The following IFI30 variants were observed in gnomAD, a reference collection of about 807,000 sequenced individuals.
IFI30 encodes the protein gamma-interferon-inducible lysosomal thiol reductase.
A neutral mutation model predicts 30.1 loss-of-function variants in IFI30; 26 were observed. That is an observed-to-expected ratio of 0.87 (90% CI 0.63 to 1.20). The LOEUF (loss-of-function observed/expected upper bound fraction) is 1.20, where lower values mean the gene tolerates loss of function less well. Among genes scored for constraint, IFI30 ranks in the 50% most tolerant of loss-of-function variants. The probability of loss-of-function intolerance (pLI) is 0.00; values close to 1 mark genes in which losing one functional copy is unlikely to be tolerated. For synonymous variants in IFI30, 149 were observed against 134.5 expected (o/e 1.11, Z -0.75); for missense variants, 296 against 312.5 (o/e 0.95, Z 0.40).
At chr19:18,175,831 T>C (rs1967263714) in intron 4 of IFI30, 134 bp downstream of exon 4, 1 of 589,914 alleles carries the variant, frequency 1.7e-6, no homozygotes, top group African/African-American at 1.9e-5. Context: ...ACTACCCTTC[T>C]TTATTTTATT....
chr19:18,175,422 A>T, intron 3 of IFI30, 37 bp downstream of exon 3: 1 of 1,550,206 alleles, frequency 6.5e-7, no homozygotes, highest in Non-Finnish European at 8.8e-7. Flanking sequence ...GGGTGGGGGA[A>T]AACTGTCCCA....
rs765210155 is a variant in IFI30, at chr19:18,177,140, TGCCTGCA to T, written c.487_493del (p.Leu163SerfsTer90). The T allele has an allele frequency of 1.3e-6, 2 of 1,551,328 alleles. No homozygotes were observed. The highest frequency in any genetic ancestry group is 3.9e-5 in the Admixed American group (2 of 51,704). ...AACCCCCTGCTCCCCACCCACCCAGTGCCTGCAGCTCTACGCCCCAGGGCTGTCGCCA... is the reference window on the plus strand; with the variant it reads ...AACCCCCTGCTCCCCACCCACCCAGTGCTCTACGCCCCAGGGCTGTCGCCA... On this transcript the variant is annotated frameshift_variant and splice_region_variant, in exon 5 of 7. Coordinates refer to ENST00000407280, the MANE Select transcript of IFI30 (RefSeq NM_006332.5). LOFTEE classifies it high-confidence loss of function.
At chr19:18,176,131 G>T (rs1013139931) in intron 4 of IFI30, among the ~76,000 whole-genome samples, 1 of 117,748 alleles carries the variant, frequency 8.5e-6, no homozygotes, top group African/African-American at 3.2e-5. Flanking sequence ...GTGAGCCACC[G>T]CACCCAGCCC....
rs1967280596 is a variant in IFI30, at chr19:18,177,188, T to C, written c.532T>C (p.Cys178Arg). Reference protein sequence around the residue: ...PGLSPDTIMECAMGDRGMQLM... With the variant: ...PGLSPDTIMERAMGDRGMQLM... The stretch of plus-strand genomic sequence containing the variant: ...GCTGTCGCCAGACACTATCATGGAG[T>C]GTGCAATGGGGGACCGCGGCATGCA... The change falls in exon 5 of 7, where the codon TGT (cysteine) becomes CGT (arginine). Residue 178 changes from cysteine (C) to arginine (R), a missense_variant. Cys to Arg is a radical substitution (Grantham distance 180, BLOSUM62 -3). Transcript: ENST00000407280. 1.3e-6 allele frequency: 2 copies of C among 1,585,760 alleles called. No homozygotes were observed. Among genetic ancestry groups the C allele is most frequent in the Admixed American group, 1.8e-5 (1 of 55,374 alleles).
intron 1 of IFI30, 97 bp downstream of exon 1, chr19:18,174,070 A>G (rs2147965515): frequency 8.8e-7 from 1 of 1,132,920 alleles, no homozygotes; most frequent in Non-Finnish European, 1.2e-6. Context: ...GGGGAAGACC[A>G]GGGCCCCGAG....
Position 18,177,240 on chromosome 19 carries a change from C to T in IFI30, c.584C>T (p.Thr195Ile). ...CTCATGCACGCCAACGCCCAGCGGA[C>T]AGATGCTCTCCAGCCACCACACGAG... ...MQLMHANAQR[T>I]DALQPPHEYV... Residue 195 changes from threonine (T) to isoleucine (I), a missense_variant, in exon 5 of 7, where the codon ACA becomes ATA. Coordinates refer to ENST00000407280, the MANE Select transcript of IFI30 (RefSeq NM_006332.5). 6.3e-7 allele frequency: 1 copy of T among 1,588,372 alleles called. No individual in the cohort carries two copies. The highest frequency in any genetic ancestry group is 1.1e-5 in the South Asian group (1 of 87,092).
In IFI30 at chr19:18,175,168, G is replaced by T. The variant is rs942574644; in HGVS notation, c.261G>T (p.Trp87Cys). The change falls in exon 2 of 7, where the codon TGG becomes TGT. Residue 87 changes from tryptophan (W) to cysteine (C), a missense_variant. By Grantham distance (215) the Trp-to-Cys change is radical. Transcript: ENST00000407280. ...TGATCCGGGAGCTCTTCCCAACATG[G>T]CTGTTGGTCATGGAGATCCTCAATG... ...AFLIRELFPT[W>C]LLVMEILNVT... The T allele has an allele frequency of 5.7e-5, 91 of 1,605,322 alleles. No homozygotes were observed. Among genetic ancestry groups the T allele is most frequent in the Non-Finnish European group, 7.6e-5 (89 of 1,176,074 alleles).
intron 2 of IFI30, 36 bp from the exon 3 acceptor site, chr19:18,175,275 A>C: frequency 6.3e-7 from 1 of 1,575,816 alleles, no homozygotes; most frequent in African/African-American, 1.4e-5. Context: ...CAGGGGACCC[A>C]GCCTACCAGC....
At position 18,177,286 on chromosome 19, in the gene IFI30, C is replaced by G; in HGVS notation, c.630C>G (p.Val210=). 1 of 1,582,118 alleles carries G rather than the reference C, an allele frequency of 6.3e-7. No individual in the cohort carries two copies. The highest frequency in any genetic ancestry group is 1.2e-5 in the South Asian group (1 of 86,342). The change falls in exon 5 of 7, where the codon GTC becomes GTG. Residue 210 remains valine, a synonymous_variant. Coordinates refer to ENST00000407280, the MANE Select transcript of IFI30 (RefSeq NM_006332.5). ...PPHEYVPWVT[V]NGKPLEDQTQ... ...ACGAGTATGTGCCCTGGGTCACCGT[C>G]AATGGGGTAAGAATCTTTTTAGCCC...
chr19:18,177,682 A>G (rs1967289060), intron 5 of IFI30, 29 bp from the exon 6 acceptor site: 3 of 1,612,498 alleles, frequency 1.9e-6, no homozygotes, highest in Admixed American at 1.7e-5. Flanking sequence ...GCTGCTGGGA[A>G]TATGCGACCC....
At chr19:18,176,166 T>TA (rs1239558863) in intron 4 of IFI30, among the ~76,000 whole-genome samples, 5 of 142,740 alleles carry the variant, frequency 3.5e-5, no homozygotes, top group Non-Finnish European at 7.6e-5. Context: ...TTTTTTTTTT[T>TA]TTTTTTGAGA....
In IFI30 at chr19:18,177,166, G is replaced by C; in HGVS notation, c.510G>C (p.Leu170=). The change falls in exon 5 of 7, where the codon CTG becomes CTC. Residue 170 remains leucine, a synonymous_variant. Transcript: ENST00000407280. ...PLCLQLYAPG[L]SPDTIMECAM... ...GCCTGCAGCTCTACGCCCCAGGGCTGTCGCCAGACACTATCATGGAGTGTG... is the reference window on the plus strand; with the variant it reads ...GCCTGCAGCTCTACGCCCCAGGGCTCTCGCCAGACACTATCATGGAGTGTG... 1 of 1,577,846 alleles carries C rather than the reference G, an allele frequency of 6.3e-7. No individual in the cohort carries two copies. Among genetic ancestry groups the C allele is most frequent in the Non-Finnish European group, 8.6e-7 (1 of 1,162,384 alleles).
Position 18,175,168 on chromosome 19 carries a change from G to A in IFI30, c.261G>A (p.Trp87Ter), listed in dbSNP as rs942574644. ...TGATCCGGGAGCTCTTCCCAACATG[G>A]CTGTTGGTCATGGAGATCCTCAATG... ...AFLIRELFPT[W>*]LLVMEILNVT... Residue 87 changes from tryptophan (W) to a stop codon, truncating the protein, a stop_gained, in exon 2 of 7, where the codon TGG (tryptophan) becomes TGA (stop). Transcript: ENST00000407280. LOFTEE classifies it high-confidence loss of function. The A allele has an allele frequency of 3.7e-6, 6 of 1,605,322 alleles. No individual in the cohort carries two copies. The highest frequency in any genetic ancestry group is 3.3e-4 in the Middle Eastern group (2 of 6,072).
chr19:18,174,857 A>G, intron 1 of IFI30, 183 bp from the exon 2 acceptor site: 1 of 565,076 alleles, frequency 1.8e-6, no homozygotes, highest in East Asian at 3.0e-5. Context: ...AGCGACAGTG[A>G]GACTCCATCT....
chr19:18,174,481 T>A (rs1234633710), intron 1 of IFI30: 1 of 159,926 alleles, frequency 6.3e-6, no homozygotes, highest in African/African-American at 2.4e-5. Context: ...AGTCAGCACC[T>A]ATTAGGTGCC....
In IFI30 at chr19:18,178,006, C is replaced by A; in HGVS notation, c.*95C>A. Reference sequence around the variant, plus strand: ...CAGACCCTCGGCACCTGCTACTTACCAACTGGAAAATTTTATGCATCCCAT... The same window carrying A: ...CAGACCCTCGGCACCTGCTACTTACAAACTGGAAAATTTTATGCATCCCAT... On this transcript the variant is annotated 3_prime_UTR_variant, in exon 7 of 7. Coordinates refer to ENST00000407280, the MANE Select transcript of IFI30 (RefSeq NM_006332.5). The A allele has an allele frequency of 2.3e-6, 3 of 1,295,020 alleles. No homozygotes were observed. Among genetic ancestry groups the A allele is most frequent in the Non-Finnish European group, 3.3e-6 (3 of 919,214 alleles). 80.2% of individuals were successfully genotyped at this position (1,295,020 alleles called of 1,614,324 possible).
At chr19:18,177,611 C>A in intron 5 of IFI30, 100 bp from the exon 6 acceptor site, 1 of 1,398,236 alleles carries the variant, frequency 7.2e-7, no homozygotes, top group East Asian at 2.4e-5. Context: ...GAGGCGGGGG[C>A]CAGACTTGGG....
In IFI30 at chr19:18,175,036, A is replaced by G; in HGVS notation, c.133-4A>G. 3 of 1,612,540 alleles carry G rather than the reference A, an allele frequency of 1.9e-6. No individual in the cohort carries two copies. Among genetic ancestry groups the G allele is most frequent in the Non-Finnish European group, 2.5e-6 (3 of 1,178,918 alleles). ...CCTGCCTCCCACGCCTTCCTAATCC[A>G]CAGACAGGCAATCTATACCTGCGGG... On this transcript the variant is annotated splice_region_variant and splice_polypyrimidine_tract_variant and intron_variant, in intron 1 of 6. Transcript: ENST00000407280.
At chr19:18,177,576 G>C in intron 5 of IFI30, 135 bp from the exon 6 acceptor site, 1 of 1,046,550 alleles carries the variant, frequency 9.6e-7, no homozygotes. Flanking sequence ...CATTGGGAAA[G>C]ATGTGCCACT....
Sources: gnomAD v4.1 joint callset for allele counts (sites outside exome capture counted in the v4.1 genomes callset) on GRCh38, gnomAD v4.1.1 for gene constraint, MANE v1.5 for transcripts, NCBI Gene and HGNC (gene_info 2026-07-23, HGNC 2026-07-21) for gene names.